SCLT1: variants seen among roughly 807,000 people sequenced by gnomAD.
SCLT1 encodes sodium channel-associated protein 1.
In SCLT1, 78 loss-of-function variants were observed where a neutral mutation model predicts 112.8. The ratio of observed to expected loss-of-function variants is 0.69; its 90% CI spans 0.58 to 0.83. SCLT1 has a LOEUF of 0.83. SCLT1 is among the 40% of genes least tolerant of loss of function. The pLI, the probability that SCLT1 is intolerant of heterozygous loss-of-function variation, is 0.00. For missense variants in SCLT1, 747 were observed against 770.4 expected, an observed-to-expected ratio of 0.97 and a Z score of 0.36; for synonymous variants, 257 against 254.7, an observed-to-expected ratio of 1.01 and a Z score of -0.09.
chr4:129,077,890 G>A (rs1325399095), intron 2 of SCLT1, among the ~76,000 whole-genome samples: 1 of 152,188 alleles, frequency 6.6e-6, no homozygotes, highest in East Asian at 1.9e-4. Flanking sequence ...AAGGATATGG[G>A]CATTATTGCT....
At chr4:128,898,840 A>G (rs1046744626) in intron 18 of SCLT1, among the ~76,000 whole-genome samples, 2 of 152,184 alleles carry the variant, frequency 1.3e-5, no homozygotes, top group African/African-American at 4.8e-5. Context: ...GATAAAGGGG[A>G]TATCACCACC....
intron 18 of SCLT1, among the ~76,000 whole-genome samples, chr4:128,916,623 G>T (rs143426154): frequency 6.6e-6 from 1 of 152,202 alleles, no homozygotes; most frequent in East Asian, 1.9e-4. Flanking sequence ...TAAAAATTAC[G>T]GTACATTTTT....
intron 5 of SCLT1, among the ~76,000 whole-genome samples, chr4:129,022,557 T>C (rs1745585917): frequency 6.6e-6 from 1 of 151,968 alleles, no homozygotes; most frequent in African/African-American, 2.4e-5. Flanking sequence ...CATCTGAAGA[T>C]CAATTTACTG....
chr4:128,949,342 A>C (rs1299048260), intron 14 of SCLT1, among the ~76,000 whole-genome samples: 1 of 151,518 alleles, frequency 6.6e-6, no homozygotes, highest in African/African-American at 2.4e-5. Context: ...CCTCCACTGC[A>C]GAGTGCCCCT....
intron 18 of SCLT1, among the ~76,000 whole-genome samples, chr4:128,929,258 G>T (rs1324019459): frequency 6.6e-6 from 1 of 152,132 alleles, no homozygotes; most frequent in East Asian, 1.9e-4. Flanking sequence ...TTTGACAAAG[G>T]TGTAAGATTT....
intron 13 of SCLT1, among the ~76,000 whole-genome samples, chr4:128,956,244 T>TA (rs1243886016): frequency 2.6e-5 from 4 of 152,168 alleles, no homozygotes; most frequent in Non-Finnish European, 4.4e-5. Flanking sequence ...AAAATACAAT[T>TA]AGAGGAATGC....
chr4:128,886,509 C>A (rs144636240), intron 20 of SCLT1, among the ~76,000 whole-genome samples: 1 of 152,076 alleles, frequency 6.6e-6, no homozygotes, highest in Non-Finnish European at 1.5e-5. Flanking sequence ...GTACGTCTTA[C>A]AAACAAAGTT....
chr4:128,921,950 GA>G (rs1192900423), intron 18 of SCLT1, among the ~76,000 whole-genome samples: 1 of 151,860 alleles, frequency 6.6e-6, no homozygotes, highest in Non-Finnish European at 1.5e-5. Flanking sequence ...AAATTTATAA[GA>G]AAAAAACAAA....
intron 2 of SCLT1, among the ~76,000 whole-genome samples, chr4:129,064,442 G>A (rs997163620): frequency 7.9e-5 from 12 of 152,236 alleles, no homozygotes; most frequent in Non-Finnish European, 1.3e-4. Context: ...CTCAAAAATT[G>A]TATAGATTCA....
At chr4:128,918,008 G>A (rs776327804) in intron 18 of SCLT1, among the ~76,000 whole-genome samples, 9 of 152,110 alleles carry the variant, frequency 5.9e-5, no homozygotes, top group Admixed American at 2.6e-4. Context: ...AAGAAAAAAC[G>A]TATTCTTCTG....
At chr4:129,053,092 A>G (rs560759952) in intron 2 of SCLT1, among the ~76,000 whole-genome samples, 80 of 152,118 alleles carry the variant, frequency 5.3e-4, no homozygotes, top group Non-Finnish European at 7.6e-4. Context: ...GTTCTGAGAG[A>G]CTGTTTGTTA....
intron 5 of SCLT1, among the ~76,000 whole-genome samples, chr4:129,011,887 C>A (rs1196467342): frequency 6.6e-6 from 1 of 152,002 alleles, no homozygotes; most frequent in Non-Finnish European, 1.5e-5. Context: ...GTAACATCTC[C>A]TTGTCATTTC....
At chr4:129,074,679 G>A (rs1751310246) in intron 2 of SCLT1, among the ~76,000 whole-genome samples, 1 of 152,114 alleles carries the variant, frequency 6.6e-6, no homozygotes, top group South Asian at 2.1e-4. Context: ...TTAAATAACT[G>A]ATATTGTGTA....
In SCLT1 at chr4:128,986,688, C is replaced by T. The variant is rs531226961; in HGVS notation, c.686+5479G>A. Among the ~76,000 whole-genome samples, 4 of 152,264 alleles carry T rather than the reference C, an allele frequency of 2.6e-5. No individual in the cohort carries two copies. The East Asian group carries it at 7.7e-4, about 29-fold the overall frequency. On this transcript the variant is annotated intron_variant, in intron 9 of 20. Coordinates refer to ENST00000281142, the MANE Select transcript of SCLT1 (RefSeq NM_144643.4). Reference sequence around the variant, plus strand: ...GATTCTAGATTTTTGCACCTGGATGCGTTTCTAGACTCACTCTGTGCTAGA... The same window carrying T: ...GATTCTAGATTTTTGCACCTGGATGTGTTTCTAGACTCACTCTGTGCTAGA...
chr4:128,909,704 A>G (rs1254707591), intron 18 of SCLT1, among the ~76,000 whole-genome samples: 1 of 152,246 alleles, frequency 6.6e-6, no homozygotes, highest in Non-Finnish European at 1.5e-5. Context: ...TGCCTGCTCA[A>G]TAAATACGTG....
At chr4:129,077,086 G>A (rs1751530201) in intron 2 of SCLT1, among the ~76,000 whole-genome samples, 1 of 151,954 alleles carries the variant, frequency 6.6e-6, no homozygotes. Flanking sequence ...TACCATAAAG[G>A]TAACATAGTC....
chr4:128,891,185 A>G, intron 18 of SCLT1, 48 bp from the exon 19 acceptor site: 4 of 1,375,978 alleles, frequency 2.9e-6, no homozygotes, highest in Non-Finnish European at 4.1e-6. Flanking sequence ...TCCAAATAGA[A>G]AACAGAATCT....
Position 129,093,451 on chromosome 4 carries a change from GC to G in SCLT1, c.-349del, listed in dbSNP as rs148112081. The G allele has an allele frequency of 0.13, 34,555 of 275,158 alleles. 2,869 individuals carry two copies. Among genetic ancestry groups the G allele is most frequent in the Non-Finnish European group, 0.17 (25,340 of 145,528 alleles). The allele number at this position is 275,158 out of a possible 1,614,324, so 17.0% of individuals were successfully genotyped here. A position where few individuals can be genotyped will look rare whatever the true frequency, so the allele number is the denominator to read the frequency against. On this transcript the variant is annotated 5_prime_UTR_variant, in exon 1 of 21. Transcript: ENST00000281142. ...AGAGTGCCGCGGGAGCTTGACGGCA[GC>G]CTGAGAGCGGCGTTCTACGCGGAGC...
At chr4:128,884,626 T>G (rs757089983) in intron 20 of SCLT1, 87 bp from the exon 21 acceptor site, 5 of 820,432 alleles carry the variant, frequency 6.1e-6, no homozygotes, top group Admixed American at 5.9e-5. Context: ...TCACAACCTA[T>G]AAGTACTGAA....
Sources: allele counts gnomAD v4.1 joint callset (sites outside exome capture counted in the v4.1 genomes callset), GRCh38; gene constraint gnomAD v4.1.1; transcripts MANE v1.5; gene names NCBI Gene and HGNC (gene_info 2026-07-23, HGNC 2026-07-21).